The following SLC35D2 variants were observed in gnomAD, a reference collection of about 807,000 sequenced individuals.
The protein encoded by SLC35D2 is solute carrier family 35 member D2.
Under a neutral mutation model 41.8 loss-of-function variants are expected in SLC35D2, and 43 were observed. The observed-to-expected ratio is 1.03, with a 90% CI of 0.81 to 1.33. The LOEUF is 1.33. Ranked by LOEUF, SLC35D2 falls within the 40% of genes most tolerant of loss-of-function variation. The pLI is 0.00. For synonymous variants in SLC35D2, 150 were observed against 163.9 expected (o/e 0.92, Z 0.65); for missense variants, 380 against 408.4 (o/e 0.93, Z 0.60).
chr9:96,330,120 G>T (rs1295105531), intron 9 of SLC35D2, among the ~76,000 whole-genome samples: 3 of 152,238 alleles, frequency 2.0e-5, no homozygotes, highest in Non-Finnish European at 4.4e-5. Flanking sequence ...AGGCCAGTGA[G>T]CCAGGAGTTC....
chr9:96,349,127 G>T (rs1829704471), intron 6 of SLC35D2, among the ~76,000 whole-genome samples: 1 of 152,156 alleles, frequency 6.6e-6, no homozygotes, highest in Admixed American at 6.5e-5. Context: ...ATGCTGAAGA[G>T]GCTTTTCTTG....
chr9:96,366,797 G>C (rs1587712892), intron 2 of SLC35D2, among the ~76,000 whole-genome samples: 1 of 149,428 alleles, frequency 6.7e-6, no homozygotes. Flanking sequence ...TTTTTAACGT[G>C]CTTTTTCCTA....
chr9:96,347,122 T>A lies in SLC35D2; in HGVS notation c.489-1721A>T, dbSNP rs1436059745. ...CCAGCCTGAGCAACAAGAGCGAAAC[T>A]CTGTCTCAAAAGGATTTTCTTCAAA... On this transcript the variant is annotated intron_variant, in intron 6 of 11. Transcript: ENST00000253270. Among the ~76,000 whole-genome samples, 7 of 152,148 alleles carry A rather than the reference T, an allele frequency of 4.6e-5. No homozygotes were observed. In the East Asian group the frequency reaches 1.3e-3, roughly 29 times the overall value.
At chr9:96,376,337 T>C (rs1482895881) in intron 1 of SLC35D2, among the ~76,000 whole-genome samples, 2 of 148,692 alleles carry the variant, frequency 1.3e-5, no homozygotes, top group Non-Finnish European at 3.0e-5. Context: ...CTGGGCGCAG[T>C]GGCTCACGCC....
intron 9 of SLC35D2, among the ~76,000 whole-genome samples, chr9:96,324,559 T>TTTTTTTTTTTTTTTTTTTTTTTC (rs1828425264): frequency 6.7e-6 from 1 of 148,178 alleles, no homozygotes; most frequent in Non-Finnish European, 1.5e-5. Flanking sequence ...CTTTTTTTTT[T>TTTTTTTTTTTTTTTTTTTTTTTC]TTTTTTTGGT....
chr9:96,352,330 AT>A (rs1311783062), intron 4 of SLC35D2, among the ~76,000 whole-genome samples: 1 of 151,704 alleles, frequency 6.6e-6, no homozygotes, highest in African/African-American at 2.4e-5. Flanking sequence ...TTATTTATTT[AT>A]TTTTTTTGGA....
At chr9:96,377,114 C>G (rs780770071) in intron 1 of SLC35D2, among the ~76,000 whole-genome samples, 1 of 151,388 alleles carries the variant, frequency 6.6e-6, no homozygotes, top group Non-Finnish European at 1.5e-5. Flanking sequence ...GTCACAGCAG[C>G]GAGAAGGGAC....
chr9:96,361,249 G>GAA (rs1377729704), intron 3 of SLC35D2, among the ~76,000 whole-genome samples: 1 of 152,190 alleles, frequency 6.6e-6, no homozygotes, highest in African/African-American at 2.4e-5. Context: ...GTTATGAAAT[G>GAA]AATCTTGTTT....
At chr9:96,320,089 T>C (rs532953766), downstream of SLC35D2, among the ~76,000 whole-genome samples, 127 of 152,262 alleles carry the variant, frequency 8.3e-4, 1 homozygote, top group African/African-American at 2.9e-3. Flanking sequence ...AGGCACCCTA[T>C]CCATTTGGGC....
rs57501812 is a variant in SLC35D2, at chr9:96,340,619, CAAAAAAAAAAAAA to C, written c.684+3272_684+3284del. On this transcript the variant is annotated intron_variant, in intron 8 of 11. Coordinates refer to ENST00000253270, the MANE Select transcript of SLC35D2 (RefSeq NM_007001.3). The stretch of plus-strand genomic sequence containing the variant: ...TGGGCAACAGAGGGAGACTCCATCT[CAAAAAAAAAAAAA>C]AAAAAAAAAAAAAAAAAACTAGTCA... Among the ~76,000 whole-genome samples, 29 of 35,382 alleles carry C rather than the reference CAAAAAAAAAAAAA, an allele frequency of 8.2e-4. No homozygotes were observed. The South Asian group carries it at 0.017, about 20-fold the overall frequency. The allele number at this position is 35,382 out of a possible 152,430, so 23.2% of individuals were successfully genotyped here.
Position 96,366,517 on chromosome 9 carries a change from A to ATTTT in SLC35D2, c.192+1751_192+1754dup, listed in dbSNP as rs34820429. 2.4e-3 allele frequency among the ~76,000 whole-genome samples: 249 copies of ATTTT among 103,568 alleles called. 7 individuals are homozygous for ATTTT. The highest frequency in any genetic ancestry group is 6.8e-3 in the African/African-American group (180 of 26,582). 67.9% of individuals were successfully genotyped at this position (103,568 alleles called of 152,430 possible). A position where few individuals can be genotyped will look rare whatever the true frequency, so the allele number is the denominator to read the frequency against. ...GACTACAAAGGACACCTTATCACTG[A>ATTTT]TTTTTTTTTTTTTTTTTTTTTTTGA... On this transcript the variant is annotated intron_variant, in intron 2 of 11. Transcript: ENST00000253270.
chr9:96,323,475 G>T (rs1194068899), intron 10 of SLC35D2, among the ~76,000 whole-genome samples: 1 of 152,096 alleles, frequency 6.6e-6, no homozygotes, highest in East Asian at 1.9e-4. Flanking sequence ...AAGGTATCTT[G>T]CTAATCATTG....
At chr9:96,313,906 G>C (rs538751509) in exon 12 of SLC35D2, 1 of 152,436 alleles carries the variant, frequency 6.6e-6, no homozygotes, top group Non-Finnish European at 1.5e-5. Flanking sequence ...TTGAGGTAGA[G>C]CCTGCATCTA....
chr9:96,353,626 G>C (rs763882096), intron 4 of SLC35D2, among the ~76,000 whole-genome samples: 2 of 152,218 alleles, frequency 1.3e-5, no homozygotes, highest in Non-Finnish European at 2.9e-5. Context: ...GATTATAGGC[G>C]TGAGCCACCG....
intron 1 of SLC35D2, among the ~76,000 whole-genome samples, chr9:96,373,698 A>C (rs1001426714): frequency 9.9e-5 from 15 of 152,082 alleles, no homozygotes; most frequent in East Asian, 3.9e-4. Flanking sequence ...AAAAAAAAAA[A>C]AAAACAATTT....
downstream of SLC35D2, among the ~76,000 whole-genome samples, chr9:96,318,568 G>C (rs184709376): frequency 1.5e-4 from 23 of 152,196 alleles, no homozygotes; most frequent in Admixed American, 1.3e-4. Flanking sequence ...ATGGGCAATG[G>C]ACTTGAATAG....
intron 10 of SLC35D2, 100 bp downstream of exon 10, chr9:96,323,991 A>ACAC: frequency 1.0e-6 from 1 of 1,003,418 alleles, no homozygotes; most frequent in South Asian, 1.4e-5. Context: ...CCTCGTTCTT[A>ACAC]CACCACCACC....
At chr9:96,375,436 G>A (rs1830901680) in intron 1 of SLC35D2, among the ~76,000 whole-genome samples, 1 of 150,874 alleles carries the variant, frequency 6.6e-6, no homozygotes. Flanking sequence ...AAATTAGCTG[G>A]GCATGGTGGC....
intron 1 of SLC35D2, among the ~76,000 whole-genome samples, chr9:96,382,466 TACACACAC>T (rs35402465): frequency 3.2e-4 from 42 of 133,092 alleles, no homozygotes; most frequent in Non-Finnish European, 4.4e-4. Context: ...AAAAATATTA[TACACACAC>T]ACACACACAC....
Sources: allele counts gnomAD v4.1 joint callset (sites outside exome capture counted in the v4.1 genomes callset), GRCh38; gene constraint gnomAD v4.1.1; transcripts MANE v1.5; gene names NCBI Gene and HGNC (gene_info 2026-07-23, HGNC 2026-07-21).